AMBRA1: variants seen among roughly 807,000 people sequenced by gnomAD.
AMBRA1 encodes autophagy and beclin 1 regulator 1.
AMBRA1 carries 47 observed loss-of-function variants against 125.4 expected under a neutral mutation model. The ratio of observed to expected loss-of-function variants is 0.37; its 90% CI spans 0.30 to 0.48. The LOEUF is 0.48. AMBRA1 is among the 20% of genes least tolerant of loss of function. The pLI, the probability that AMBRA1 is intolerant of heterozygous loss-of-function variation, is 0.99. For synonymous variants in AMBRA1, 626 were observed against 655.5 expected (o/e 0.95, Z 0.69); for missense variants, 1,331 against 1,693.4 (o/e 0.79, Z 3.76).
At chr11:46,470,617 C>T (rs1949548394) in intron 11 of AMBRA1, among the ~76,000 whole-genome samples, 1 of 145,124 alleles carries the variant, frequency 6.9e-6, no homozygotes, top group African/African-American at 2.7e-5. Flanking sequence ...AAAAAATTAG[C>T]CAGGTGTGGC....
chr11:46,514,482 A>G (rs1486521099), intron 7 of AMBRA1, among the ~76,000 whole-genome samples: 1 of 152,258 alleles, frequency 6.6e-6, no homozygotes, highest in Non-Finnish European at 1.5e-5. Flanking sequence ...GCAATAAAAT[A>G]CATCTCTCTG....
chr11:46,551,810 C>G (rs1319696154), intron 1 of AMBRA1, among the ~76,000 whole-genome samples: 1 of 151,950 alleles, frequency 6.6e-6, no homozygotes, highest in Non-Finnish European at 1.5e-5. Flanking sequence ...GACGGATCAC[C>G]TGAGGTCAGG....
chr11:46,577,698 G>C (rs11038927), intron 1 of AMBRA1, among the ~76,000 whole-genome samples: 50,114 of 151,844 alleles, frequency 0.33, 13,909 homozygotes, highest in African/African-American at 0.76. Context: ...TGCCTATAAT[G>C]CCAGCACTTT....
At chr11:46,509,741 G>A (rs1322040334) in intron 8 of AMBRA1, among the ~76,000 whole-genome samples, 1 of 151,782 alleles carries the variant, frequency 6.6e-6, no homozygotes, top group African/African-American at 2.4e-5. Context: ...GCTGTTACTA[G>A]GCAAAAAAAA....
chr11:46,583,677 A>AAAAAAAAAAAAAAAAAAAAC (rs1565324615), intron 1 of AMBRA1, among the ~76,000 whole-genome samples: 1 of 143,832 alleles, frequency 7.0e-6, no homozygotes, highest in Admixed American at 6.8e-5. Context: ...AAAAAAAAAA[A>AAAAAAAAAAAAAAAAAAAAC]AACAACAAAA....
intron 11 of AMBRA1, among the ~76,000 whole-genome samples, chr11:46,445,678 T>C (rs1256521256): frequency 6.6e-6 from 1 of 152,172 alleles, no homozygotes; most frequent in Non-Finnish European, 1.5e-5. Context: ...TTCCACTGAG[T>C]TTCCGAATTG....
intron 17 of AMBRA1, 41 bp downstream of exon 17, chr11:46,408,472 G>A: frequency 6.8e-7 from 1 of 1,470,534 alleles, no homozygotes; most frequent in Non-Finnish European, 9.1e-7. Flanking sequence ...CTCGGTCTTA[G>A]GGTCCCTCTC....
At chr11:46,523,110 A>T (rs909618668) in intron 7 of AMBRA1, among the ~76,000 whole-genome samples, 2 of 152,214 alleles carry the variant, frequency 1.3e-5, no homozygotes, top group Admixed American at 6.5e-5. Context: ...GAGGGCAGAG[A>T]CTACAGCTGG....
rs1462380499 is a variant in AMBRA1, at chr11:46,467,546, ACT to A, written c.2522-23950_2522-23949del. Among the ~76,000 whole-genome samples, 15 of 135,336 alleles carry A rather than the reference ACT, an allele frequency of 1.1e-4. No individual in the cohort carries two copies. The Admixed American group carries it at 1.1e-3, about 10-fold the overall frequency. The allele number at this position is 135,336 out of a possible 152,430, so 88.8% of individuals were successfully genotyped here. ...AATTCCTTTACTGTTACTCTATGTT[ACT>A]CTTTTTTTTTTTTTTTTTGGGATGG... On this transcript the variant is annotated intron_variant, in intron 11 of 17. Transcript: ENST00000683756.
Position 46,433,542 on chromosome 11 carries a change from A to G in AMBRA1, c.2908T>C (p.Ser970Pro). The change falls in exon 14 of 18, where the codon TCC (serine) becomes CCC (proline). Residue 970 changes from serine (S) to proline (P), a missense_variant. Coordinates refer to ENST00000683756, the MANE Select transcript of AMBRA1 (RefSeq NM_001387011.1). ...ACCTGGGCCACCATGTGCTCTGTGG[A>G]GGGGTGCAGCAGGATCCTTCGTGAG... The part of the protein sequence containing the change: ...LASRRILLHP[S>P]TEHMVAQVFR... 6.2e-7 allele frequency: 1 copy of G among 1,614,122 alleles called. No individual in the cohort carries two copies. Among genetic ancestry groups the G allele is most frequent in the Non-Finnish European group, 8.5e-7 (1 of 1,179,996 alleles).
chr11:46,502,978 A>G (rs111360734), intron 9 of AMBRA1, among the ~76,000 whole-genome samples: 1 of 145,050 alleles, frequency 6.9e-6, no homozygotes, highest in Non-Finnish European at 1.5e-5. Context: ...GGAGAATGGC[A>G]TGAACCTGGG....
Position 46,410,312 on chromosome 11 carries a change from G to A in AMBRA1, c.3173C>T (p.Thr1058Ile), listed in dbSNP as rs777325811. 4.3e-6 allele frequency: 7 copies of A among 1,613,986 alleles called. No individual in the cohort carries two copies. Among genetic ancestry groups the A allele is most frequent in the Non-Finnish European group, 5.9e-6 (7 of 1,179,892 alleles). The change falls in exon 16 of 18, where the codon ACT becomes ATT. Residue 1058 changes from threonine to isoleucine, a missense_variant. Coordinates refer to ENST00000683756, the MANE Select transcript of AMBRA1 (RefSeq NM_001387011.1). ...YWDQLNETVF[T>I]VHSNSRSSER... ...GCTGCTCCTGCTGTTGGAATGGACA[G>A]TGAAGACCGTCTCGTTCAGCTGGTC...
chr11:46,522,453 T>A (rs1299485270), intron 7 of AMBRA1, among the ~76,000 whole-genome samples: 1 of 151,358 alleles, frequency 6.6e-6, no homozygotes, highest in Non-Finnish European at 1.5e-5. Flanking sequence ...GACCACAGAC[T>A]TTTTTTTTAA....
rs181551354 is a variant in AMBRA1, at chr11:46,497,102, C to A, written c.2340-2898G>T. Among the ~76,000 whole-genome samples, 404 of 151,260 alleles carry A rather than the reference C, an allele frequency of 2.7e-3. 2 individuals are homozygous for A. Among genetic ancestry groups the A allele is most frequent in the African/African-American group, 9.3e-3 (382 of 41,196 alleles). On this transcript the variant is annotated intron_variant, in intron 9 of 17. Coordinates refer to ENST00000683756, the MANE Select transcript of AMBRA1 (RefSeq NM_001387011.1). The stretch of plus-strand genomic sequence containing the variant: ...TTCCAGCCTGGGTGACAGGGCAAGA[C>A]TCTGTCTCAAAAATAAATAAATAAA...
chr11:46,421,666 G>C (rs1946855554), intron 14 of AMBRA1, among the ~76,000 whole-genome samples: 1 of 152,176 alleles, frequency 6.6e-6, no homozygotes, highest in African/African-American at 2.4e-5. Flanking sequence ...GGCCAAAGCT[G>C]AACAGCTCTC....
At chr11:46,491,272 C>T (rs1023794365) in intron 11 of AMBRA1, 13 of 152,198 alleles carry the variant, frequency 8.5e-5, no homozygotes, top group African/African-American at 2.2e-4. Flanking sequence ...GGAGGCGGAT[C>T]GGGAAGGTGG....
chr11:46,486,960 TAAAAG>T (rs1950290383), intron 11 of AMBRA1, among the ~76,000 whole-genome samples: 1 of 146,758 alleles, frequency 6.8e-6, no homozygotes, highest in Middle Eastern at 3.4e-3. Context: ...TAAATACAAA[TAAAAG>T]AGATGAGAGG....
intron 1 of AMBRA1, among the ~76,000 whole-genome samples, chr11:46,575,250 G>C (rs1270782503): frequency 6.6e-6 from 1 of 152,068 alleles, no homozygotes; most frequent in African/African-American, 2.4e-5. Context: ...CTGAGGTCAG[G>C]AGTTCGAGAT....
intron 14 of AMBRA1, among the ~76,000 whole-genome samples, chr11:46,429,422 A>G (rs952512958): frequency 2.6e-5 from 4 of 152,152 alleles, no homozygotes; most frequent in Non-Finnish European, 5.9e-5. Context: ...TGTGCCTACA[A>G]TCCCCACTTA....
Sources: allele counts gnomAD v4.1 joint callset (sites outside exome capture counted in the v4.1 genomes callset), GRCh38; gene constraint gnomAD v4.1.1; transcripts MANE v1.5; gene names NCBI Gene and HGNC (gene_info 2026-07-23, HGNC 2026-07-21).